Variants in PHKA1 observed in about 807,000 individuals in gnomAD.
The protein encoded by PHKA1 is phosphorylase b kinase regulatory subunit alpha, skeletal muscle isoform.
A neutral mutation model predicts 110.2 loss-of-function variants in PHKA1; 60 were observed. The observed-to-expected ratio is 0.54, with a 90% confidence interval of 0.44 to 0.68. The LOEUF is 0.68. Ranked by LOEUF, PHKA1 falls within the 30% of genes least tolerant of loss-of-function variation. PHKA1 has a pLI of 0.00. For missense variants in PHKA1, 801 were observed against 942.5 expected (o/e 0.85, Z 1.97); for synonymous variants, 316 against 333.6 (o/e 0.95, Z 0.58).
At chrX:72,648,909 T>A (rs961815086) in intron 13 of PHKA1, among the ~76,000 whole-genome samples, 3 of 111,926 alleles carry the variant, frequency 2.7e-5, no homozygotes, top group African/African-American at 9.8e-5. Context: ...ACTAGAGTTA[T>A]GGATATCTAG....
At chrX:72,621,664 G>T in intron 18 of PHKA1, 1 of 380,222 alleles carries the variant, frequency 2.6e-6, no homozygotes, top group Non-Finnish European at 3.4e-6. Context: ...CTCTCCAGAT[G>T]TCTTTCTGTG....
chrX:72,653,811 G>A (rs781789992), intron 10 of PHKA1, among the ~76,000 whole-genome samples: 1 of 111,756 alleles, frequency 8.9e-6, no homozygotes, highest in East Asian at 2.8e-4. Flanking sequence ...ATTTGTGGAA[G>A]ATCAGAGCAA....
At chrX:72,706,340 T>C (rs890495548) in intron 2 of PHKA1, among the ~76,000 whole-genome samples, 9 of 111,813 alleles carry the variant, frequency 8.0e-5, no homozygotes, top group African/African-American at 2.9e-4. Flanking sequence ...CTTGTCACAT[T>C]TTAAAGCCTG....
chrX:72,657,487 C>G, intron 9 of PHKA1, 101 bp downstream of exon 9: 1 of 588,126 alleles, frequency 1.7e-6, no homozygotes, highest in Non-Finnish European at 2.9e-6. Flanking sequence ...ACTTAGTGAT[C>G]TCTATAAGTA....
At chrX:72,680,460 C>T (rs1661283179) in intron 5 of PHKA1, among the ~76,000 whole-genome samples, 1 of 113,169 alleles carries the variant, frequency 8.8e-6, no homozygotes, top group Non-Finnish European at 1.9e-5. Flanking sequence ...AAGACAAAAA[C>T]ATCTGCCATC....
intron 28 of PHKA1, chrX:72,599,795 C>T (rs782085571): frequency 3.2e-5 from 17 of 534,479 alleles, no homozygotes; most frequent in East Asian, 1.4e-4. Context: ...ATGGCATATA[C>T]GAGAAGATCA....
At chrX:72,598,305 G>A (rs782746223) in intron 28 of PHKA1, among the ~76,000 whole-genome samples, 13 of 111,469 alleles carry the variant, frequency 1.2e-4, no homozygotes, top group Non-Finnish European at 1.9e-4. Context: ...AAACCACTAC[G>A]AGATACCAGT....
rs1381921315 is a variant in PHKA1 at position 72,584,290 on chromosome X, A to G, written c.3256T>C (p.Ser1086Pro). ...GAAGGAAGGACAAACCCTTCAACAG[A>G]AAGTCCGTGACACTGCAAAACAGAA... ...WKVLQKCHGL[S>P]VEGFVLPSST... Residue 1086 changes from serine to proline, a missense_variant, in exon 30 of 32, where the codon TCT (serine) becomes CCT (proline). Transcript: ENST00000373542. The G allele has an allele frequency of 8.3e-7, 1 of 1,206,829 alleles. No individual in the cohort carries two copies. The highest frequency in any genetic ancestry group is 1.8e-5 in the African/African-American group (1 of 57,124).
rs140865522 is a variant in PHKA1 at position 72,581,133 on chromosome X, C to T, written c.3541G>A (p.Ala1181Thr). 2.0e-5 allele frequency: 24 copies of T among 1,198,375 alleles called. No individual in the cohort carries two copies. The African/African-American group carries it at 2.5e-4, about 12-fold the overall frequency. ...TACAGAAGAGTACAGATGCCAGATGCGGGATCCTTTGCCAACATGGTATCA... is the reference window on the plus strand; with the variant it reads ...TACAGAAGAGTACAGATGCCAGATGTGGGATCCTTTGCCAACATGGTATCA... ...ADDTMLAKDP[A>T]SGICTLLYDS... The change falls in exon 32 of 32, where the codon GCA becomes ACA. Residue 1181 changes from alanine to threonine, a missense_variant. Coordinates refer to ENST00000373542, the MANE Select transcript of PHKA1 (RefSeq NM_002637.4).
chrX:72,657,237 T>G (rs2053507156), intron 9 of PHKA1, among the ~76,000 whole-genome samples: 1 of 112,305 alleles, frequency 8.9e-6, no homozygotes, highest in East Asian at 2.8e-4. Context: ...ATTTTTCCCT[T>G]TGTAATTGTT....
intron 13 of PHKA1, among the ~76,000 whole-genome samples, chrX:72,644,845 G>A (rs2053341964): frequency 9.0e-6 from 1 of 111,254 alleles, no homozygotes; most frequent in African/African-American, 3.3e-5. Flanking sequence ...GATTCCCCGA[G>A]TTCTTTTGTA....
chrX:72,649,719 C>T (rs987238623), intron 13 of PHKA1, among the ~76,000 whole-genome samples: 2 of 111,098 alleles, frequency 1.8e-5, no homozygotes, highest in Non-Finnish European at 3.8e-5. Flanking sequence ...TGCAGCCGGG[C>T]GCAGTGGCTC....
chrX:72,644,192 T>A (rs1556296493), intron 14 of PHKA1, among the ~76,000 whole-genome samples, 170 bp downstream of exon 14: 1 of 111,510 alleles, frequency 9.0e-6, no homozygotes, highest in African/African-American at 3.3e-5. Context: ...CCTAAAATTA[T>A]CAGGCCTGCT....
At chrX:72,691,424 C>T (rs2054037890) in intron 4 of PHKA1, among the ~76,000 whole-genome samples, 1 of 111,938 alleles carries the variant, frequency 8.9e-6, no homozygotes, top group Non-Finnish European at 1.9e-5. Context: ...TAGAAACAGC[C>T]TGTCAATTTC....
At chrX:72,680,735 C>T (rs1285129497) in intron 5 of PHKA1, among the ~76,000 whole-genome samples, 1 of 97,585 alleles carries the variant, frequency 1.0e-5, no homozygotes, top group Admixed American at 1.1e-4. Flanking sequence ...GCCGCTGCCG[C>T]GACCGACCGC....
intron 1 of PHKA1, 94 bp downstream of exon 1, chrX:72,713,709 C>T (rs1194831758): frequency 4.5e-6 from 3 of 667,962 alleles, no homozygotes; most frequent in African/African-American, 4.4e-5. Context: ...CACCCACACA[C>T]GCACGCACGC....
At chrX:72,682,204 T>C (rs1220853011) in intron 5 of PHKA1, among the ~76,000 whole-genome samples, 1 of 63,310 alleles carries the variant, frequency 1.6e-5, no homozygotes, top group African/African-American at 6.0e-5. Flanking sequence ...GGGAGGGAGG[T>C]GGGGGGGTCA....
chrX:72,635,618 A>G (rs1435961925), intron 15 of PHKA1, among the ~76,000 whole-genome samples: 1 of 112,148 alleles, frequency 8.9e-6, no homozygotes, highest in Non-Finnish European at 1.9e-5. Flanking sequence ...GATTAGTGAA[A>G]TCATATGGCT....
chrX:72,583,357 AT>A (rs1403657368), intron 30 of PHKA1, among the ~76,000 whole-genome samples: 1 of 112,234 alleles, frequency 8.9e-6, no homozygotes, highest in Non-Finnish European at 1.9e-5. Flanking sequence ...AAATTTAAAA[AT>A]GTAAAAATAA....
Sources: gnomAD v4.1 joint callset for allele counts (sites outside exome capture counted in the v4.1 genomes callset) on GRCh38, gnomAD v4.1.1 for gene constraint, MANE v1.5 for transcripts, NCBI Gene and HGNC (gene_info 2026-07-23, HGNC 2026-07-21) for gene names.